LINGO2: variants seen among roughly 807,000 people sequenced by gnomAD.
LINGO2 encodes leucine-rich repeat and immunoglobulin-like domain-containing nogo receptor-interacting protein 2.
In LINGO2, 14 loss-of-function variants were observed where a neutral mutation model predicts 30.6. The ratio of observed to expected loss-of-function variants is 0.46; its 90% CI spans 0.30 to 0.72. The LOEUF is 0.72. LINGO2 is among the 30% of genes least tolerant of loss of function. The pLI, the probability that LINGO2 is intolerant of heterozygous loss-of-function variation, is 0.07. For missense variants in LINGO2, 729 were observed against 751.7 expected (o/e 0.97, Z 0.35); for synonymous variants, 317 against 288.5 (o/e 1.10, Z -1.00).
At chr9:28,422,414 A>G (rs1823233263) in intron 2 of LINGO2, among the ~76,000 whole-genome samples, 2 of 152,144 alleles carry the variant, frequency 1.3e-5, no homozygotes, top group Admixed American at 1.3e-4. Context: ...ATCACATGAA[A>G]AGATGCTAAA....
At chr9:28,229,769 C>T (rs2133931556) in intron 4 of LINGO2, among the ~76,000 whole-genome samples, 1 of 151,858 alleles carries the variant, frequency 6.6e-6, no homozygotes, top group Admixed American at 6.6e-5. Context: ...GAAATAAGGT[C>T]ACAGGAATTT....
chr9:28,708,683 C>CT, the LINGO2 span, among the ~76,000 whole-genome samples: 1 of 151,982 alleles, frequency 6.6e-6, no homozygotes, highest in Non-Finnish European at 1.5e-5. Flanking sequence ...CTTCGTGTAG[C>CT]TTCCTTTGCC....
At chr9:28,715,526 G>C in the LINGO2 span, among the ~76,000 whole-genome samples, 4 of 152,066 alleles carry the variant, frequency 2.6e-5, no homozygotes, top group Non-Finnish European at 5.9e-5. Context: ...GGGTCCAGTG[G>C]AAGGATGAAT....
intron 4 of LINGO2, among the ~76,000 whole-genome samples, chr9:28,238,827 AAC>A (rs1491415963): frequency 6.6e-6 from 1 of 151,224 alleles, no homozygotes; most frequent in Non-Finnish European, 1.5e-5. Context: ...GAAAATAAAT[AAC>A]AGATAAATGA....
chr9:28,778,114 T>A, the LINGO2 span, among the ~76,000 whole-genome samples: 2 of 152,198 alleles, frequency 1.3e-5, no homozygotes, highest in Non-Finnish European at 2.9e-5. Context: ...AATGGTTGAC[T>A]ATAACTCCAC....
the LINGO2 span, among the ~76,000 whole-genome samples, chr9:28,841,062 T>C: frequency 2.0e-5 from 3 of 151,944 alleles, no homozygotes; most frequent in African/African-American, 7.3e-5. Flanking sequence ...AAAATCTTTT[T>C]TTCTTTAAGT....
At chr9:28,290,067 A>G (rs1823661375) in intron 4 of LINGO2, among the ~76,000 whole-genome samples, 1 of 152,158 alleles carries the variant, frequency 6.6e-6, no homozygotes, top group African/African-American at 2.4e-5. Context: ...GCACTCTGTT[A>G]TTAACTCTCC....
chr9:28,748,870 T>A, the LINGO2 span, among the ~76,000 whole-genome samples: 1 of 151,948 alleles, frequency 6.6e-6, no homozygotes, highest in Admixed American at 6.6e-5. Flanking sequence ...CAAAAATTGA[T>A]AAAGAATTAT....
At chr9:28,525,112 C>T (rs4567136) in intron 1 of LINGO2, among the ~76,000 whole-genome samples, 54,328 of 151,916 alleles carry the variant, frequency 0.36, 10,028 homozygotes, top group South Asian at 0.48. Flanking sequence ...AAAAAATACT[C>T]GACATCACTA....
intron 1 of LINGO2, among the ~76,000 whole-genome samples, chr9:28,512,636 TACAC>T (rs1386783256): frequency 4.9e-4 from 3 of 6,170 alleles, no homozygotes; most frequent in African/African-American, 1.0e-3. Flanking sequence ...TATATATATA[TACAC>T]ACATACATAC....
At chr9:29,172,932 C>T in the LINGO2 span, among the ~76,000 whole-genome samples, 1 of 151,864 alleles carries the variant, frequency 6.6e-6, no homozygotes, top group Non-Finnish European at 1.5e-5. Context: ...ACACACACAA[C>T]ACTGTATCAT....
intron 1 of LINGO2, among the ~76,000 whole-genome samples, chr9:28,613,073 A>G (rs1401570413): frequency 6.6e-6 from 1 of 152,066 alleles, no homozygotes; most frequent in African/African-American, 2.4e-5. Flanking sequence ...TCATCTTGTG[A>G]ATAAGGTATC....
chr9:28,331,647 A>G (rs1289792015), intron 3 of LINGO2, among the ~76,000 whole-genome samples: 1 of 152,126 alleles, frequency 6.6e-6, no homozygotes, highest in Non-Finnish European at 1.5e-5. Context: ...TTGGGACTAC[A>G]GGCACACGCC....
intron 3 of LINGO2, among the ~76,000 whole-genome samples, chr9:28,320,203 A>C (rs10968506): frequency 0.33 from 49,877 of 151,842 alleles, 9,429 homozygotes; most frequent in Middle Eastern, 0.44. Flanking sequence ...TTCCAAGAAG[A>C]AGCAGCAGCC....
chr9:29,192,304 G>T, the LINGO2 span, among the ~76,000 whole-genome samples: 1 of 152,192 alleles, frequency 6.6e-6, no homozygotes, highest in South Asian at 2.1e-4. Flanking sequence ...TAATAAATAT[G>T]AAAGGAAATT....
chr9:28,110,831 T>C (rs1024667227), intron 4 of LINGO2, among the ~76,000 whole-genome samples: 1 of 152,192 alleles, frequency 6.6e-6, no homozygotes, highest in East Asian at 1.9e-4. Context: ...AGTATGGCGA[T>C]TCCTCAAGGA....
chr9:29,097,985 A>C, the LINGO2 span, among the ~76,000 whole-genome samples: 4 of 151,322 alleles, frequency 2.6e-5, 1 homozygote, highest in African/African-American at 9.7e-5. Flanking sequence ...CCAAAAGAAG[A>C]AAGCACTATC....
the LINGO2 span, among the ~76,000 whole-genome samples, chr9:29,030,890 A>G: frequency 1.3e-5 from 2 of 152,304 alleles, no homozygotes; most frequent in South Asian, 2.1e-4. Flanking sequence ...AACATTTAAC[A>G]TGCCTATAAT....
chr9:28,111,997 G>A (rs1165683298), intron 4 of LINGO2, among the ~76,000 whole-genome samples: 2 of 138,626 alleles, frequency 1.4e-5, no homozygotes, highest in East Asian at 4.4e-4. Context: ...CCATGCTGGT[G>A]CGCTGCACCC....
Sources: gnomAD v4.1 joint callset for allele counts (sites outside exome capture counted in the v4.1 genomes callset) on GRCh38, gnomAD v4.1.1 for gene constraint, MANE v1.5 for transcripts, NCBI Gene and HGNC (gene_info 2026-07-23, HGNC 2026-07-21) for gene names.